The following MYOCOS variants were observed in gnomAD, a reference collection of about 807,000 sequenced individuals.
MYOCOS encodes the protein myocilin opposite strand.
intron 1 of MYOCOS, among the ~76,000 whole-genome samples, chr1:171,603,034 C>T (rs1191561264): frequency 6.6e-6 from 1 of 152,182 alleles, no homozygotes; most frequent in East Asian, 1.9e-4. Flanking sequence ...CAGGCGTGGG[C>T]TGCATGGTAG....
At chr1:171,617,941 C>G (rs745781580), upstream of MYOCOS, among the ~76,000 whole-genome samples, 26 of 152,130 alleles carry the variant, frequency 1.7e-4, no homozygotes, top group Non-Finnish European at 3.4e-4. Flanking sequence ...TGAGAGGAGA[C>G]AGAGAACACG....
chr1:171,623,937 G>A lies in MYOCOS; in HGVS notation c.54G>A (p.Leu18=). ...GCATTAATCTCCCCTACAAGGACTT[G>A]ACCTCCGAGGTAACCAGGCGCCGAG... is the stretch of plus-strand genomic sequence containing the variant. ...NNSINLPYKD[L]TSEVTRRRVT... is the part of the protein sequence containing the mutation. The change falls in exon 2 of 3, where the codon TTG becomes TTA. Residue 18 remains leucine, a synonymous_variant. Transcript: ENST00000637642. The A allele has an allele frequency of 2.5e-6, 1 of 398,594 alleles. No individual in the cohort carries two copies. The allele number at this position is 398,594 out of a possible 1,614,324, so 24.7% of individuals were successfully genotyped here.
chr1:171,609,272 CT>C (rs968296567), intron 1 of MYOCOS, among the ~76,000 whole-genome samples: 1 of 152,206 alleles, frequency 6.6e-6, no homozygotes, highest in African/African-American at 2.4e-5. Context: ...CACAAATAAC[CT>C]GGGAGCCAAA....
chr1:171,604,863 G>A (rs1036394507), intron 1 of MYOCOS, among the ~76,000 whole-genome samples: 25 of 152,180 alleles, frequency 1.6e-4, no homozygotes, highest in African/African-American at 5.8e-4. Context: ...CCTCCTGCAC[G>A]AGTGGAAGCT....
intron 1 of MYOCOS, among the ~76,000 whole-genome samples, chr1:171,609,773 T>A (rs879436458): frequency 2.6e-5 from 4 of 152,182 alleles, no homozygotes; most frequent in Non-Finnish European, 4.4e-5. Flanking sequence ...AGTGCTGGGA[T>A]TATAGGCATG....
upstream of MYOCOS, among the ~76,000 whole-genome samples, chr1:171,619,141 T>C (rs1011322989): frequency 1.3e-5 from 2 of 152,252 alleles, no homozygotes; most frequent in African/African-American, 4.8e-5. Context: ...AAAATGTGGT[T>C]GTTAAATGTA....
At position 171,607,812 on chromosome 1, in the gene MYOCOS, A is replaced by ATT. The variant is rs1652279169; in HGVS notation, c.-252+6732_-252+6733insTT. Among the ~76,000 whole-genome samples the ATT allele has an allele frequency of 2.6e-5, 4 of 152,320 alleles. No individual in the cohort carries two copies. In the East Asian group the frequency reaches 5.8e-4, roughly 22 times the overall value. ...TATCTTTGGCCAGGGTGTACAGAAAACAGTGCAGTCTGTGTTCACAAGTCT... is the reference window on the plus strand; with the variant it reads ...TATCTTTGGCCAGGGTGTACAGAAAATTCAGTGCAGTCTGTGTTCACAAGTCT... On this transcript the variant is annotated intron_variant, in intron 1 of 3. Transcript: ENST00000636697.
intron 1 of MYOCOS, among the ~76,000 whole-genome samples, chr1:171,611,955 C>A (rs139397390): frequency 6.6e-6 from 1 of 152,342 alleles, no homozygotes; most frequent in East Asian, 1.9e-4. Flanking sequence ...ACAATTACAG[C>A]TACAACTTGG....
At chr1:171,605,274 C>T (rs1315915630) in intron 1 of MYOCOS, among the ~76,000 whole-genome samples, 3 of 151,484 alleles carry the variant, frequency 2.0e-5, no homozygotes, top group Non-Finnish European at 4.4e-5. Flanking sequence ...TTCTAAAAGT[C>T]TCAATTATTA....
At chr1:171,616,929 A>AGC (rs1652460043) in intron 2 of MYOCOS, among the ~76,000 whole-genome samples, 3 of 152,180 alleles carry the variant, frequency 2.0e-5, no homozygotes, top group Non-Finnish European at 4.4e-5. Flanking sequence ...TTGTCTGTAA[A>AGC]AGGTATAATT....
chr1:171,604,620 G>A (rs1337821418), intron 1 of MYOCOS, among the ~76,000 whole-genome samples: 1 of 152,204 alleles, frequency 6.6e-6, no homozygotes, highest in Admixed American at 6.5e-5. Context: ...AAGAAAGAAA[G>A]GTCCCCAAAA....
chr1:171,621,611 G>T (rs1652577649), upstream of MYOCOS, among the ~76,000 whole-genome samples: 1 of 151,944 alleles, frequency 6.6e-6, no homozygotes, highest in Admixed American at 6.6e-5. Flanking sequence ...TCCTGACCTC[G>T]TGATCCGCCC....
At chr1:171,625,169 G>A (rs1374801702) in intron 2 of MYOCOS, among the ~76,000 whole-genome samples, 5 of 152,264 alleles carry the variant, frequency 3.3e-5, no homozygotes, top group South Asian at 2.1e-4. Flanking sequence ...TTGATACCAC[G>A]GGTTTAGACC....
chr1:171,624,611 T>TA, intron 2 of MYOCOS, among the ~76,000 whole-genome samples: 1 of 151,716 alleles, frequency 6.6e-6, no homozygotes, highest in Non-Finnish European at 1.5e-5. Context: ...TAATATTTTG[T>TA]GTGTGTGTGT....
Position 171,617,140 on chromosome 1 carries a change from A to G in MYOCOS, c.-44+2135A>G, listed in dbSNP as rs140734084. On this transcript the variant is annotated intron_variant, in intron 2 of 3. Coordinates refer to the MYOCOS transcript ENST00000636697. ...GGAGCCACTGGACTAAGCAGCTGAG[A>G]CAGGGCAGACAGTGTGAGAAAGTTC... Among the ~76,000 whole-genome samples the G allele has an allele frequency of 2.0e-3, 298 of 152,232 alleles. 1 individual carries two copies. The highest frequency in any genetic ancestry group is 6.8e-3 in the Middle Eastern group (2 of 294).
At chr1:171,624,426 C>T (rs941213007) in intron 2 of MYOCOS, among the ~76,000 whole-genome samples, 54 of 130,482 alleles carry the variant, frequency 4.1e-4, no homozygotes, top group African/African-American at 1.7e-3. Flanking sequence ...TGTGCCACCA[C>T]GTCTGGTTAA....
upstream of MYOCOS, among the ~76,000 whole-genome samples, chr1:171,618,864 C>T (rs915687750): frequency 6.6e-5 from 10 of 152,358 alleles, no homozygotes; most frequent in Admixed American, 2.6e-4. Flanking sequence ...GCATGAACCA[C>T]CATGTCTGGA....
intron 1 of MYOCOS, among the ~76,000 whole-genome samples, chr1:171,606,686 G>C (rs1413935960): frequency 6.6e-6 from 1 of 152,204 alleles, no homozygotes; most frequent in Non-Finnish European, 1.5e-5. Context: ...AGAGTTGTAA[G>C]CCCTTAAAAA....
At chr1:171,614,782 T>C (rs1039698934) in intron 1 of MYOCOS, 10 of 152,214 alleles carry the variant, frequency 6.6e-5, no homozygotes, top group African/African-American at 9.6e-5. Flanking sequence ...ATTTGTGCTT[T>C]TTTTCTACAT....
Sources: allele counts gnomAD v4.1 joint callset (sites outside exome capture counted in the v4.1 genomes callset), GRCh38; gene constraint gnomAD v4.1.1; transcripts MANE v1.5; gene names NCBI Gene and HGNC (gene_info 2026-07-23, HGNC 2026-07-21).